The following KALRN variants were observed in gnomAD, a reference collection of about 807,000 sequenced individuals.
KALRN encodes kalirin RhoGEF kinase.
A neutral mutation model predicts 353.7 loss-of-function variants in KALRN; 70 were observed. The observed-to-expected ratio is 0.20, with a 90% CI of 0.16 to 0.24. The LOEUF (loss-of-function observed/expected upper bound fraction) is 0.24, where lower values mean the gene tolerates loss of function less well. KALRN is among the 10% of genes least tolerant of loss of function. KALRN has a pLI of 1.00. For missense variants in KALRN, 2,791 were observed against 3,756.7 expected (o/e 0.74, Z 6.72); for synonymous variants, 1,391 against 1,434.8 (o/e 0.97, Z 0.69).
intron 34 of KALRN, among the ~76,000 whole-genome samples, chr3:124,607,599 T>C (rs2077479808): frequency 6.6e-6 from 1 of 152,192 alleles, no homozygotes. Flanking sequence ...AAGGAAAATA[T>C]ATCACCCTAT....
At chr3:124,077,613 G>C (rs1207627527) in intron 1 of KALRN, among the ~76,000 whole-genome samples, 1 of 152,104 alleles carries the variant, frequency 6.6e-6, no homozygotes, top group East Asian at 1.9e-4. Flanking sequence ...GAATCCCCTT[G>C]CCAGTTCTAC....
chr3:124,053,864 C>T (rs952840254), intron 1 of KALRN, among the ~76,000 whole-genome samples: 2 of 152,212 alleles, frequency 1.3e-5, no homozygotes, highest in East Asian at 1.9e-4. Flanking sequence ...GATCCATTTC[C>T]GCTTGGCTTG....
At chr3:124,575,963 C>A (rs1200503011) in intron 34 of KALRN, among the ~76,000 whole-genome samples, 1 of 152,022 alleles carries the variant, frequency 6.6e-6, no homozygotes, top group Non-Finnish European at 1.5e-5. Context: ...GGACGTTATT[C>A]TGTCTACCAT....
At chr3:124,479,183 G>A (rs958689553) in intron 27 of KALRN, among the ~76,000 whole-genome samples, 9 of 152,064 alleles carry the variant, frequency 5.9e-5, no homozygotes, top group Non-Finnish European at 1.2e-4. Flanking sequence ...TACATACCTC[G>A]CATCCCCATT....
intron 34 of KALRN, among the ~76,000 whole-genome samples, chr3:124,629,814 G>C (rs73193705): frequency 2.0e-5 from 3 of 150,766 alleles, no homozygotes; most frequent in South Asian, 2.1e-4. Context: ...CTCTCTCTCT[G>C]TCTCTCTCTC....
rs2080461657 is a variant in KALRN, at chr3:124,241,683, G to C, written c.263+6740G>C. Among the ~76,000 whole-genome samples the C allele has an allele frequency of 1.3e-5, 2 of 152,108 alleles. 1 individual carries two copies. The highest frequency in any genetic ancestry group is 4.1e-4 in the South Asian group (2 of 4,822). ...TGGTTGCGTCTCCTTCTATGGTCTG[G>C]GGAAGTCTAGCATGTGCATAATTGT... On this transcript the variant is annotated intron_variant, in intron 3 of 59. Coordinates refer to ENST00000682506, the MANE Select transcript of KALRN (RefSeq NM_001388419.1).
At chr3:124,330,767 G>T (rs2080466728) in intron 8 of KALRN, among the ~76,000 whole-genome samples, 1 of 152,196 alleles carries the variant, frequency 6.6e-6, no homozygotes, top group Admixed American at 6.5e-5. Context: ...ATGAGGAGAA[G>T]AAGTGAATTC....
At chr3:124,143,008 T>G (rs569890624) in intron 1 of KALRN, among the ~76,000 whole-genome samples, 2 of 152,166 alleles carry the variant, frequency 1.3e-5, no homozygotes, top group African/African-American at 4.8e-5. Flanking sequence ...TTTTTTTCAC[T>G]TTTCTACCCT....
intron 37 of KALRN, among the ~76,000 whole-genome samples, chr3:124,650,506 A>T (rs375182510): frequency 1.1e-4 from 17 of 152,308 alleles, no homozygotes; most frequent in African/African-American, 4.1e-4. Context: ...TAGAATTGCG[A>T]TCGTTAGCAT....
intron 1 of KALRN, among the ~76,000 whole-genome samples, chr3:124,208,281 A>C (rs2076594062): frequency 6.6e-6 from 1 of 152,236 alleles, no homozygotes; most frequent in Non-Finnish European, 1.5e-5. Context: ...AATGGCTGGA[A>C]GGTTGAACAT....
At position 124,657,402 on chromosome 3, in the gene KALRN, C is replaced by T. The variant is rs779911494; in HGVS notation, c.5863-46C>T. 9 of 1,401,432 alleles carry T rather than the reference C, an allele frequency of 6.4e-6. No homozygotes were observed. In the South Asian group the frequency reaches 8.1e-5, roughly 13 times the overall value. 86.8% of individuals were successfully genotyped at this position (1,401,432 alleles called of 1,614,324 possible). On this transcript the variant is annotated intron_variant, in intron 39 of 59. Coordinates refer to ENST00000682506, the MANE Select transcript of KALRN (RefSeq NM_001388419.1). ...GTGGTGTGTGGCATGGCCCAGAAAG[C>T]TTTCCTGTGAAAATATGCTACTAAC...
At chr3:124,217,230 T>C (rs2077420538) in intron 1 of KALRN, among the ~76,000 whole-genome samples, 1 of 152,226 alleles carries the variant, frequency 6.6e-6, no homozygotes, top group African/African-American at 2.4e-5. Context: ...ACAGTAATTG[T>C]AACTTTGCCT....
chr3:124,493,735 G>A (rs751456576), intron 32 of KALRN, among the ~76,000 whole-genome samples: 9 of 152,192 alleles, frequency 5.9e-5, no homozygotes, highest in South Asian at 2.1e-4. Context: ...CTATGAAGCC[G>A]CAGCAGCATT....
At chr3:124,235,089 A>T (rs976864351) in intron 3 of KALRN, 146 bp downstream of exon 3, 1 of 630,596 alleles carries the variant, frequency 1.6e-6, no homozygotes, top group Admixed American at 2.7e-5. Context: ...ACCATTGTCC[A>T]TTGTCTGCCT....
rs562569062 is a variant in KALRN at position 124,527,557 on chromosome 3, C to T, written c.4935+31144C>T. Among the ~76,000 whole-genome samples, 3 of 151,050 alleles carry T rather than the reference C, an allele frequency of 2.0e-5. No individual in the cohort carries two copies. In the South Asian group the frequency reaches 6.3e-4, roughly 32 times the overall value. On this transcript the variant is annotated intron_variant, in intron 33 of 59. Transcript: ENST00000682506. The stretch of plus-strand genomic sequence containing the variant: ...CCAGGAGGCAGAGGTTGCAGTGAGC[C>T]GAGATTGTGCCACTCCAGCCTGGGC...
At chr3:124,073,182 G>C (rs1237093354) in intron 1 of KALRN, among the ~76,000 whole-genome samples, 2 of 152,298 alleles carry the variant, frequency 1.3e-5, no homozygotes, top group South Asian at 4.1e-4. Flanking sequence ...TTGTGAGCTT[G>C]GTTAATACGA....
chr3:124,287,669 C>A (rs2076031571), intron 5 of KALRN, among the ~76,000 whole-genome samples: 1 of 150,138 alleles, frequency 6.7e-6, no homozygotes, highest in African/African-American at 2.5e-5. Context: ...CAGGGACAGA[C>A]CATAAGTCTC....
At chr3:124,094,566 C>G (rs1245651284) in intron 1 of KALRN, 1 of 514,386 alleles carries the variant, frequency 1.9e-6, no homozygotes, top group African/African-American at 1.9e-5. Context: ...TCCTGACTCC[C>G]TCCCACGCAT....
At chr3:124,671,133 C>T (rs2086380712) in intron 47 of KALRN, among the ~76,000 whole-genome samples, 2 of 152,234 alleles carry the variant, frequency 1.3e-5, no homozygotes, top group Non-Finnish European at 2.9e-5. Context: ...TCAAATGTCG[C>T]TCTCTGATGA....
Sources: gnomAD v4.1 joint callset for allele counts (sites outside exome capture counted in the v4.1 genomes callset) on GRCh38, gnomAD v4.1.1 for gene constraint, MANE v1.5 for transcripts, NCBI Gene and HGNC (gene_info 2026-07-23, HGNC 2026-07-21) for gene names.